Variants in C10orf90 observed in about 807,000 individuals in gnomAD.
The protein encoded by C10orf90 is chromosome 10 open reading frame 90.
Under a neutral mutation model 62.5 loss-of-function variants are expected in C10orf90, and 56 were observed. The ratio of observed to expected loss-of-function variants is 0.90; its 90% confidence interval spans 0.72 to 1.12. C10orf90 has a LOEUF of 1.12. Ranked by LOEUF, C10orf90 falls within the 50% of genes most tolerant of loss-of-function variation. C10orf90 has a pLI of 0.00. For synonymous variants in C10orf90, 386 were observed against 340.4 expected, an observed-to-expected ratio of 1.13 and a Z score of -1.47; for missense variants, 970 against 880.4, an observed-to-expected ratio of 1.10 and a Z score of -1.29.
chr10:126,598,164 T>C (rs1291095226), intron 2 of C10orf90, among the ~76,000 whole-genome samples: 2 of 152,234 alleles, frequency 1.3e-5, no homozygotes, highest in African/African-American at 4.8e-5. Flanking sequence ...CTCAATAGCC[T>C]TGCTTATGGT....
rs1171760972 is a variant in C10orf90 at position 126,442,499 on chromosome 10, A to ATATATATATATATATATG, written c.2189-12650_2189-12649insCATATATATATATATATA. ...ATTTCATATATATATATATATATAT[A>ATATATATATATATATATG]TATATATATCTGTTAAGTCCATTTG... is the stretch of plus-strand genomic sequence containing the variant. On this transcript the variant is annotated intron_variant, in intron 7 of 9. Transcript: ENST00000488181. Among the ~76,000 whole-genome samples, 7 of 111,886 alleles carry ATATATATATATATATATG rather than the reference A, an allele frequency of 6.3e-5. 2 individuals are homozygous for ATATATATATATATATATG. The highest frequency in any genetic ancestry group is 2.5e-4 in the African/African-American group (7 of 27,820). 73.4% of individuals were successfully genotyped at this position (111,886 alleles called of 152,430 possible).
At chr10:126,471,274 G>A (rs770096047) in intron 4 of C10orf90, among the ~76,000 whole-genome samples, 20 of 152,162 alleles carry the variant, frequency 1.3e-4, no homozygotes, top group Non-Finnish European at 2.8e-4. Flanking sequence ...AGGCAACAGC[G>A]GGGCTGGAGG....
chr10:126,590,709 C>T (rs1281137303), intron 2 of C10orf90, among the ~76,000 whole-genome samples: 2 of 152,030 alleles, frequency 1.3e-5, no homozygotes, highest in African/African-American at 4.8e-5. Flanking sequence ...ATTTATAGCA[C>T]TAAATGGTCA....
chr10:126,593,654 A>G (rs1050526745), intron 2 of C10orf90, among the ~76,000 whole-genome samples: 2 of 152,204 alleles, frequency 1.3e-5, no homozygotes, highest in East Asian at 1.9e-4. Context: ...GCACATGTTT[A>G]TCTACGTAAC....
chr10:126,628,587 T>C (rs1845792877), intron 2 of C10orf90, among the ~76,000 whole-genome samples: 1 of 152,202 alleles, frequency 6.6e-6, no homozygotes, highest in Admixed American at 6.5e-5. Flanking sequence ...CTGATCTTGC[T>C]AGAGGTCAGG....
At chr10:126,616,629 T>A (rs7082850) in intron 2 of C10orf90, among the ~76,000 whole-genome samples, 9 of 152,236 alleles carry the variant, frequency 5.9e-5, no homozygotes, top group African/African-American at 2.2e-4. Flanking sequence ...GCTCTTTGTC[T>A]ACTAACTTAA....
rs148381735 is a variant in C10orf90 at position 126,471,721 on chromosome 10, T to C, written c.1535-6735A>G. 2.5e-3 allele frequency among the ~76,000 whole-genome samples: 383 copies of C among 152,312 alleles called. 3 individuals are homozygous for C. The highest frequency in any genetic ancestry group is 8.4e-3 in the African/African-American group (350 of 41,562). ...CTCATTTGACGTAAAGACTCACATG[T>C]AGTTGCTGCAAAGTAGGAATATATA... On this transcript the variant is annotated intron_variant, in intron 4 of 9. Coordinates refer to ENST00000488181, the MANE Select transcript of C10orf90 (RefSeq NM_001350921.2).
Position 126,453,550 on chromosome 10 carries a change from G to A in C10orf90, c.2188+5490C>T, listed in dbSNP as rs1590929582. On this transcript the variant is annotated intron_variant, in intron 7 of 9. Coordinates refer to ENST00000488181, the MANE Select transcript of C10orf90 (RefSeq NM_001350921.2). The surrounding 1 kb of genome is among the most constrained non-coding windows in gnomAD (Gnocchi z 4.9). The stretch of plus-strand genomic sequence containing the variant: ...AAGGTTAAGGGGACAAACTGAGAGA[G>A]CCATGGAAGAGGACCCGGACAGGCG... Among the ~76,000 whole-genome samples the A allele has an allele frequency of 6.6e-6, 1 of 152,188 alleles. No homozygotes were observed. The highest frequency in any genetic ancestry group is 1.5e-5 in the Non-Finnish European group (1 of 68,040).
At chr10:126,502,691 A>G (rs1862472965) in intron 4 of C10orf90, 7 of 429,992 alleles carry the variant, frequency 1.6e-5, no homozygotes, top group Non-Finnish European at 2.8e-5. Flanking sequence ...CTGGGGTAAC[A>G]TACAACAATG....
intron 2 of C10orf90, among the ~76,000 whole-genome samples, chr10:126,644,304 T>G (rs1434219746): frequency 6.6e-6 from 1 of 152,222 alleles, no homozygotes. Flanking sequence ...CCTCCTCCAC[T>G]GCAGAACTCC....
chr10:126,455,957 T>C (rs1338308087), intron 7 of C10orf90, among the ~76,000 whole-genome samples: 2 of 152,218 alleles, frequency 1.3e-5, no homozygotes, highest in Non-Finnish European at 2.9e-5. Context: ...GGGCTCCCAC[T>C]TGAACCTTTC....
At chr10:126,601,657 A>C (rs376335766) in intron 2 of C10orf90, among the ~76,000 whole-genome samples, 2 of 152,206 alleles carry the variant, frequency 1.3e-5, no homozygotes, top group African/African-American at 2.4e-5. Context: ...GATTTTTCTA[A>C]TTATACCCTA....
chr10:126,647,132 T>G (rs1846187943), intron 1 of C10orf90, among the ~76,000 whole-genome samples: 1 of 152,194 alleles, frequency 6.6e-6, no homozygotes, highest in African/African-American at 2.4e-5. Flanking sequence ...TTTGCTGACT[T>G]TTTCTGCCAA....
intron 4 of C10orf90, among the ~76,000 whole-genome samples, chr10:126,472,114 G>A (rs537774985): frequency 2.6e-5 from 4 of 152,248 alleles, no homozygotes; most frequent in African/African-American, 9.6e-5. Flanking sequence ...CCCAAAGCAT[G>A]GCTCAGATTC....
At chr10:126,584,690 A>G (rs942647631) in intron 2 of C10orf90, among the ~76,000 whole-genome samples, 14 of 152,178 alleles carry the variant, frequency 9.2e-5, no homozygotes, top group Admixed American at 6.5e-4. Flanking sequence ...AACCCCTCTC[A>G]GAATCCCACT....
At chr10:126,536,731 C>T (rs970210700) in intron 2 of C10orf90, among the ~76,000 whole-genome samples, 3 of 152,168 alleles carry the variant, frequency 2.0e-5, no homozygotes, top group African/African-American at 4.8e-5. Context: ...TTGGGGCCCT[C>T]GCAAGTCTGA....
intron 2 of C10orf90, among the ~76,000 whole-genome samples, chr10:126,604,571 C>T (rs1845267532): frequency 1.3e-5 from 2 of 152,196 alleles, no homozygotes; most frequent in South Asian, 4.1e-4. Flanking sequence ...TGGACGTGGT[C>T]TCTTCCCCTC....
chr10:126,434,981 G>T (rs1857826234), intron 7 of C10orf90, among the ~76,000 whole-genome samples: 1 of 152,168 alleles, frequency 6.6e-6, no homozygotes, highest in Non-Finnish European at 1.5e-5. Context: ...AGGTGGTTTG[G>T]CTCTGAAGTG....
At chr10:126,655,757 C>G (rs538705547) in intron 1 of C10orf90, among the ~76,000 whole-genome samples, 29 of 150,868 alleles carry the variant, frequency 1.9e-4, no homozygotes, top group South Asian at 1.3e-3. Flanking sequence ...TCTGGGAATT[C>G]AATAGCCCAC....
Sources: allele counts gnomAD v4.1 joint callset (sites outside exome capture counted in the v4.1 genomes callset), GRCh38; gene constraint gnomAD v4.1.1; non-coding constraint Gnocchi (gnomAD v3.1); transcripts MANE v1.5; gene names NCBI Gene and HGNC (gene_info 2026-07-23, HGNC 2026-07-21).